Variants in MAP7 observed in about 807,000 individuals in gnomAD.
MAP7 encodes the protein microtubule associated protein 7.
A neutral mutation model predicts 94.8 loss-of-function variants in MAP7; 52 were observed. That is an observed-to-expected ratio of 0.55 (90% CI 0.44 to 0.69). The LOEUF (loss-of-function observed/expected upper bound fraction) is 0.69, where lower values mean the gene tolerates loss of function less well. MAP7 is among the 30% of genes least tolerant of loss of function. The pLI, the probability that MAP7 is intolerant of heterozygous loss-of-function variation, is 0.00. For synonymous variants in MAP7, 350 were observed against 357.0 expected, an observed-to-expected ratio of 0.98 and a Z score of 0.22; for missense variants, 940 against 964.6, an observed-to-expected ratio of 0.97 and a Z score of 0.34.
At chr6:136,478,838 G>A in intron 1 of MAP7, among the ~76,000 whole-genome samples, 1 of 151,574 alleles carries the variant, frequency 6.6e-6, no homozygotes, top group Non-Finnish European at 1.5e-5. Flanking sequence ...GGACTCCATG[G>A]CTTTACTGCT....
At chr6:136,537,643 CA>C (rs1456842791) in intron 1 of MAP7, among the ~76,000 whole-genome samples, 1 of 152,116 alleles carries the variant, frequency 6.6e-6, no homozygotes. Flanking sequence ...TTTAATATTT[CA>C]AAGGTGGCAT....
intron 16 of MAP7, among the ~76,000 whole-genome samples, chr6:136,354,648 G>T (rs898688500): frequency 6.6e-6 from 1 of 151,700 alleles, no homozygotes; most frequent in Non-Finnish European, 1.5e-5. Flanking sequence ...TCTTCTAATG[G>T]TTTGACAGGG....
At chr6:136,375,507 G>A (rs766641720) in intron 7 of MAP7, among the ~76,000 whole-genome samples, 1 of 152,118 alleles carries the variant, frequency 6.6e-6, no homozygotes, top group Non-Finnish European at 1.5e-5. Flanking sequence ...ATATGATGAG[G>A]TTGAGGGACA....
chr6:136,485,127 T>C (rs749161873), intron 1 of MAP7, among the ~76,000 whole-genome samples: 8 of 152,212 alleles, frequency 5.3e-5, no homozygotes, highest in Non-Finnish European at 1.0e-4. Flanking sequence ...TAAATGTATA[T>C]GAAAAATGGT....
At chr6:136,497,825 C>T (rs1447094514) in intron 1 of MAP7, among the ~76,000 whole-genome samples, 1 of 147,696 alleles carries the variant, frequency 6.8e-6, no homozygotes, top group African/African-American at 2.5e-5. Flanking sequence ...AAAAAGAAAG[C>T]AGATTCACTG....
intron 8 of MAP7, among the ~76,000 whole-genome samples, chr6:136,372,105 T>A (rs1774691878): frequency 6.6e-6 from 1 of 152,196 alleles, no homozygotes; most frequent in Non-Finnish European, 1.5e-5. Context: ...AGCTTCTGGA[T>A]ATGGTTGAAA....
chr6:136,477,689 G>A (rs1263285964), intron 1 of MAP7, among the ~76,000 whole-genome samples: 1 of 152,154 alleles, frequency 6.6e-6, no homozygotes, highest in African/African-American at 2.4e-5. Flanking sequence ...TAAAGAGAGA[G>A]AATGACACCA....
chr6:136,535,299 C>A (rs1828789819), intron 1 of MAP7, among the ~76,000 whole-genome samples: 1 of 152,180 alleles, frequency 6.6e-6, no homozygotes, highest in South Asian at 2.1e-4. Flanking sequence ...TCACCTTCCA[C>A]AATGATTGTA....
chr6:136,394,931 C>CACATATATATATATATATAT (rs1554243129), intron 3 of MAP7, among the ~76,000 whole-genome samples: 1 of 27,494 alleles, frequency 3.6e-5, no homozygotes, highest in Non-Finnish European at 9.2e-5. Flanking sequence ...AATATTCCAT[C>CACATATATATATATATATAT]ATATATATAT....
At chr6:136,361,317 G>T in intron 11 of MAP7, 138 bp from the exon 12 acceptor site, 1 of 838,496 alleles carries the variant, frequency 1.2e-6, no homozygotes. Context: ...CTTCACCACT[G>T]CTAAGGGACA....
chr6:136,358,848 A>C (rs1036213034), intron 15 of MAP7, among the ~76,000 whole-genome samples: 3 of 152,198 alleles, frequency 2.0e-5, no homozygotes, highest in African/African-American at 7.2e-5. Context: ...GAAGGAGCAG[A>C]ATCAGGAGCT....
chr6:136,377,218 C>CA (rs1050399251), intron 7 of MAP7, among the ~76,000 whole-genome samples: 36 of 152,242 alleles, frequency 2.4e-4, no homozygotes, highest in African/African-American at 8.4e-4. Context: ...AAGAATGTAA[C>CA]AAATAAGCAT....
chr6:136,486,975 AGAAAG>A (rs3839515), intron 1 of MAP7, among the ~76,000 whole-genome samples: 12,154 of 152,194 alleles, frequency 0.08, 1,072 homozygotes, highest in African/African-American at 0.22. Context: ...AATTGACAAA[AGAAAG>A]GAAAGTGCTA....
At chr6:136,399,525 A>G (rs1167918895) in intron 3 of MAP7, among the ~76,000 whole-genome samples, 2 of 149,578 alleles carry the variant, frequency 1.3e-5, no homozygotes, top group East Asian at 2.0e-4. Flanking sequence ...TTTTTTTATT[A>G]TTATTCCTTG....
At chr6:136,374,455 C>T (rs1323486272) in intron 7 of MAP7, among the ~76,000 whole-genome samples, 1 of 152,200 alleles carries the variant, frequency 6.6e-6, no homozygotes, top group Non-Finnish European at 1.5e-5. Context: ...GCACGCACTG[C>T]TCAGGGCACA....
At chr6:136,353,809 T>G (rs1789950270) in intron 16 of MAP7, among the ~76,000 whole-genome samples, 1 of 152,104 alleles carries the variant, frequency 6.6e-6, no homozygotes. Flanking sequence ...CACCTTGGCC[T>G]CCCAGAGTGC....
intron 1 of MAP7, among the ~76,000 whole-genome samples, chr6:136,521,559 T>C (rs1192205265): frequency 6.6e-6 from 1 of 152,180 alleles, no homozygotes; most frequent in East Asian, 1.9e-4. Context: ...ATAAAGTCAA[T>C]CAGATGACTG....
In MAP7 at chr6:136,509,126, G is replaced by C. The variant is rs149698387; in HGVS notation, c.67+41216C>G. 3.5e-3 allele frequency among the ~76,000 whole-genome samples: 540 copies of C among 152,276 alleles called. 2 individuals carry two copies. Among genetic ancestry groups the C allele is most frequent in the Non-Finnish European group, 6.3e-3 (431 of 68,020 alleles). ...ACCAAGAAATCCTCAGATGGGGCTG[G>C]AGCATTCAATTTGCTCCTCTTGATA... is the stretch of plus-strand genomic sequence containing the variant. On this transcript the variant is annotated intron_variant, in intron 1 of 17. Transcript: ENST00000354570.
At chr6:136,411,888 A>C (rs1377064657) in intron 2 of MAP7, among the ~76,000 whole-genome samples, 191 bp from the exon 3 acceptor site, 1 of 152,260 alleles carries the variant, frequency 6.6e-6, no homozygotes, top group East Asian at 1.9e-4. Context: ...AGGATTTCTA[A>C]GCATTTTTCT....
Sources: allele counts gnomAD v4.1 joint callset (sites outside exome capture counted in the v4.1 genomes callset), GRCh38; gene constraint gnomAD v4.1.1; transcripts MANE v1.5; gene names NCBI Gene and HGNC (gene_info 2026-07-23, HGNC 2026-07-21).